Variants in LRFN5 observed in about 807,000 individuals in gnomAD.
The protein encoded by LRFN5 is leucine rich repeat and fibronectin type III domain containing 5, also known as leucine-rich repeat and fibronectin type-III domain-containing protein 5.
A neutral mutation model predicts 45.6 loss-of-function variants in LRFN5; 24 were observed. The ratio of observed to expected loss-of-function variants is 0.53; its 90% CI spans 0.38 to 0.74. LRFN5 has a LOEUF of 0.74. Ranked by LOEUF, LRFN5 falls within the 30% of genes least tolerant of loss-of-function variation. The probability of loss-of-function intolerance (pLI) is 0.00; values close to 1 mark genes in which losing one functional copy is unlikely to be tolerated. For synonymous variants in LRFN5, 340 were observed against 313.8 expected, an observed-to-expected ratio of 1.08 and a Z score of -0.88; for missense variants, 776 against 861.5, an observed-to-expected ratio of 0.90 and a Z score of 1.24.
intron 2 of LRFN5, among the ~76,000 whole-genome samples, chr14:41,777,345 A>G (rs1044257871): frequency 5.3e-5 from 8 of 151,676 alleles, no homozygotes; most frequent in African/African-American, 1.9e-4. Flanking sequence ...TTTAGGTCCT[A>G]TACTACATTT....
chr14:41,656,899 A>G (rs1880405068), intron 1 of LRFN5, among the ~76,000 whole-genome samples: 1 of 151,926 alleles, frequency 6.6e-6, no homozygotes, highest in African/African-American at 2.4e-5. Flanking sequence ...ACGTAGCATT[A>G]TCTGTTATTT....
intron 2 of LRFN5, among the ~76,000 whole-genome samples, chr14:41,781,360 A>G (rs956232334): frequency 1.3e-5 from 2 of 151,734 alleles, no homozygotes; most frequent in African/African-American, 4.8e-5. Flanking sequence ...CTTTTCTTCA[A>G]AATAGACAGT....
At chr14:41,817,427 G>A (rs542127020) in intron 2 of LRFN5, among the ~76,000 whole-genome samples, 1 of 152,096 alleles carries the variant, frequency 6.6e-6, no homozygotes, top group Non-Finnish European at 1.5e-5. Context: ...GGATAGGAGT[G>A]GAGAAGCCTT....
chr14:41,776,052 G>C (rs546657240), intron 2 of LRFN5, among the ~76,000 whole-genome samples: 2 of 152,260 alleles, frequency 1.3e-5, no homozygotes, highest in South Asian at 4.1e-4. Flanking sequence ...ACTAAGTAGT[G>C]ATTCCAGCAA....
Position 41,894,678 on chromosome 14 carries a change from T to C in LRFN5, c.2098+2716T>C, listed in dbSNP as rs1407106311. 3 of 985,046 alleles carry C rather than the reference T, an allele frequency of 3.0e-6. No individual in the cohort carries two copies. The African/African-American group carries it at 5.2e-5, about 17-fold the overall frequency. The allele number at this position is 985,046 out of a possible 1,614,324, so 61.0% of individuals were successfully genotyped here. ...GTCTACAGAAAAGGTGGGAATGATA[T>C]TACCTATCATGATGTCTGAAACATA... On this transcript the variant is annotated intron_variant, in intron 4 of 5. Transcript: ENST00000298119.
intron 2 of LRFN5, among the ~76,000 whole-genome samples, chr14:41,775,093 CTTT>C (rs59438733): frequency 2.7e-5 from 3 of 112,486 alleles, no homozygotes; most frequent in Non-Finnish European, 3.4e-5. Context: ...TTTTCTTTTT[CTTT>C]TTTTTTTTTT....
intron 1 of LRFN5, among the ~76,000 whole-genome samples, chr14:41,686,216 CT>C (rs1259146184): frequency 2.0e-5 from 3 of 151,700 alleles, no homozygotes; most frequent in Non-Finnish European, 4.4e-5. Flanking sequence ...GTATTTTATT[CT>C]CTTTGTAGCA....
At chr14:41,631,242 G>T (rs1888521726) in intron 1 of LRFN5, among the ~76,000 whole-genome samples, 1 of 150,910 alleles carries the variant, frequency 6.6e-6, no homozygotes, top group Non-Finnish European at 1.5e-5. Context: ...GGCTTCCACA[G>T]ACTCTATTTT....
At chr14:41,855,718 A>T (rs1158183374) in intron 2 of LRFN5, among the ~76,000 whole-genome samples, 2 of 152,222 alleles carry the variant, frequency 1.3e-5, no homozygotes, top group Non-Finnish European at 2.9e-5. Context: ...ATGTTTAACG[A>T]GTCCCACTGG....
At chr14:41,698,731 T>C (rs1183875914) in intron 1 of LRFN5, among the ~76,000 whole-genome samples, 1 of 152,126 alleles carries the variant, frequency 6.6e-6, no homozygotes, top group Non-Finnish European at 1.5e-5. Flanking sequence ...TATAAATCAA[T>C]TTTATTTTTG....
intron 4 of LRFN5, 121 bp downstream of exon 4, chr14:41,892,083 A>G (rs535403585): frequency 2.0e-6 from 3 of 1,465,258 alleles, no homozygotes; most frequent in African/African-American, 1.4e-5. Flanking sequence ...CTGTTTCCTA[A>G]AAGAAGCATG....
At chr14:41,785,637 TA>T (rs1302733685) in intron 2 of LRFN5, among the ~76,000 whole-genome samples, 15 of 152,162 alleles carry the variant, frequency 9.9e-5, no homozygotes, top group African/African-American at 3.6e-4. Context: ...TTCTGCACTT[TA>T]TTCCTATTAT....
chr14:41,864,440 T>C (rs373284483), intron 2 of LRFN5, among the ~76,000 whole-genome samples: 3 of 152,240 alleles, frequency 2.0e-5, no homozygotes, highest in East Asian at 1.9e-4. Context: ...GAGCATTTTT[T>C]CATATGTTTG....
intron 2 of LRFN5, among the ~76,000 whole-genome samples, chr14:41,859,157 A>G (rs551531713): frequency 6.6e-6 from 1 of 152,322 alleles, no homozygotes; most frequent in African/African-American, 2.4e-5. Flanking sequence ...ACAAGCTGAC[A>G]TCATTCCTGA....
chr14:41,626,562 CGTG>C (rs1262927800), intron 1 of LRFN5, among the ~76,000 whole-genome samples: 1 of 151,876 alleles, frequency 6.6e-6, no homozygotes, highest in East Asian at 1.9e-4. Flanking sequence ...TTTTGACTTA[CGTG>C]ATAAAGGATA....
intron 2 of LRFN5, among the ~76,000 whole-genome samples, chr14:41,834,369 G>GT (rs1049030544): frequency 6.6e-6 from 1 of 151,906 alleles, no homozygotes; most frequent in Non-Finnish European, 1.5e-5. Context: ...ATTTCATTTG[G>GT]TTTTTTAGAG....
chr14:41,695,788 A>T (rs1269524711), intron 1 of LRFN5, among the ~76,000 whole-genome samples: 1 of 152,018 alleles, frequency 6.6e-6, no homozygotes, highest in Non-Finnish European at 1.5e-5. Context: ...AAGAGCTCTG[A>T]TAGAGATGTA....
chr14:41,870,100 T>A (rs1403155345), intron 2 of LRFN5, among the ~76,000 whole-genome samples: 2 of 152,146 alleles, frequency 1.3e-5, no homozygotes, highest in Non-Finnish European at 2.9e-5. Flanking sequence ...TGTTCAAGGC[T>A]ATGATAAATG....
intron 1 of LRFN5, among the ~76,000 whole-genome samples, chr14:41,675,345 A>G (rs899498736): frequency 4.6e-5 from 7 of 152,242 alleles, no homozygotes; most frequent in Non-Finnish European, 1.0e-4. Flanking sequence ...CTCCGTCTGC[A>G]ATCCCGGCAC....
Sources: gnomAD v4.1 joint callset for allele counts (sites outside exome capture counted in the v4.1 genomes callset) on GRCh38, gnomAD v4.1.1 for gene constraint, MANE v1.5 for transcripts, NCBI Gene and HGNC (gene_info 2026-07-23, HGNC 2026-07-21) for gene names.